SLC7A8: variants seen among roughly 807,000 people sequenced by gnomAD.
SLC7A8 encodes the protein large neutral amino acids transporter small subunit 2.
SLC7A8 carries 30 observed loss-of-function variants against 51.2 expected under a neutral mutation model. The observed-to-expected ratio is 0.59, with a 90% confidence interval of 0.44 to 0.80. The LOEUF is 0.80. Ranked by LOEUF, SLC7A8 falls within the 30% of genes least tolerant of loss-of-function variation. SLC7A8 has a pLI of 0.00. For missense variants in SLC7A8, 612 were observed against 674.4 expected (o/e 0.91, Z 1.03); for synonymous variants, 257 against 275.8 (o/e 0.93, Z 0.67).
intron 3 of SLC7A8, among the ~76,000 whole-genome samples, chr14:23,161,135 C>A (rs1165022079): frequency 6.6e-6 from 1 of 152,060 alleles, no homozygotes; most frequent in African/African-American, 2.4e-5. Context: ...CCGACCCGCT[C>A]AGGATCCGGC....
chr14:23,147,357 T>A (rs111288782), intron 3 of SLC7A8, among the ~76,000 whole-genome samples: 53 of 152,266 alleles, frequency 3.5e-4, no homozygotes, highest in African/African-American at 1.2e-3. Flanking sequence ...GTTGGCAGTA[T>A]AACAGGGACG....
Position 23,161,699 on chromosome 14 carries a change from G to C in SLC7A8, c.508+3586C>G, listed in dbSNP as rs1016796683. 3.9e-5 allele frequency among the ~76,000 whole-genome samples: 6 copies of C among 152,082 alleles called. No individual in the cohort carries two copies. The South Asian group carries it at 1.2e-3, about 31-fold the overall frequency. On this transcript the variant is annotated intron_variant, in intron 3 of 10. Coordinates refer to ENST00000316902, the MANE Select transcript of SLC7A8 (RefSeq NM_012244.4). Reference sequence around the variant, plus strand: ...TGGCCTCACTTTGGGAGGCTGAGGCGGGTGGATCACTTGAGGTCAGGAGTT... The same window carrying C: ...TGGCCTCACTTTGGGAGGCTGAGGCCGGTGGATCACTTGAGGTCAGGAGTT...
chr14:23,146,029 G>A (rs2048790626), intron 3 of SLC7A8, among the ~76,000 whole-genome samples: 1 of 152,224 alleles, frequency 6.6e-6, no homozygotes, highest in African/African-American at 2.4e-5. Flanking sequence ...TCAGGATCAT[G>A]TGCCTGGTGA....
chr14:23,161,293 C>T (rs1285249339), intron 3 of SLC7A8, among the ~76,000 whole-genome samples: 3 of 152,056 alleles, frequency 2.0e-5, no homozygotes, highest in Admixed American at 6.6e-5. Flanking sequence ...AGCAAACCCT[C>T]GCCACGGGCT....
At chr14:23,179,943 T>C (rs547542906) in intron 1 of SLC7A8, among the ~76,000 whole-genome samples, 2 of 150,156 alleles carry the variant, frequency 1.3e-5, no homozygotes, top group Admixed American at 1.3e-4. Flanking sequence ...TCTCACTCTG[T>C]CACCCAGACT....
chr14:23,174,061 C>T (rs1308182371), intron 1 of SLC7A8, among the ~76,000 whole-genome samples: 3 of 152,226 alleles, frequency 2.0e-5, no homozygotes, highest in Non-Finnish European at 4.4e-5. Flanking sequence ...AAGACTATCT[C>T]TAAAGCCCAT....
Position 23,128,125 on chromosome 14 carries a change from C to T in SLC7A8, c.1335G>A (p.Glu445=). ...CCAGGCCAATGCCACACACCACCGG[C>T]TCTGACCACAGGCTGAAGACCAGCA... The part of the protein sequence containing the change: ...AFLLVFSLWS[E]PVVCGIGLAI... The change falls in exon 10 of 11, where the codon GAG becomes GAA. Residue 445 remains glutamate, a synonymous_variant. Transcript: ENST00000316902. The surrounding 1 kb of genome is among the most constrained non-coding windows in gnomAD (Gnocchi z 4.3). The T allele has an allele frequency of 2.5e-6, 4 of 1,614,246 alleles. No individual in the cohort carries two copies. The highest frequency in any genetic ancestry group is 3.4e-6 in the Non-Finnish European group (4 of 1,180,040).
chr14:23,127,083 G>A lies in SLC7A8; in HGVS notation c.*94C>T. The A allele has an allele frequency of 6.9e-7, 1 of 1,442,506 alleles. No individual in the cohort carries two copies. The highest frequency in any genetic ancestry group is 2.3e-5 in the East Asian group (1 of 43,594). 89.4% of individuals were successfully genotyped at this position (1,442,506 alleles called of 1,614,324 possible). ...CACTGCCTGACAAAAGCAGAGAGAGGGGTGTGTGTGTACTCGCATGTGTTG... is the reference window on the plus strand; with the variant it reads ...CACTGCCTGACAAAAGCAGAGAGAGAGGTGTGTGTGTACTCGCATGTGTTG... On this transcript the variant is annotated 3_prime_UTR_variant, in exon 11 of 11. Transcript: ENST00000316902.
chr14:23,158,566 G>A (rs1008568890), intron 3 of SLC7A8, among the ~76,000 whole-genome samples: 2 of 152,148 alleles, frequency 1.3e-5, no homozygotes, highest in Non-Finnish European at 2.9e-5. Context: ...GGCTGGTCTC[G>A]AACTCCTGAC....
Position 23,127,209 on chromosome 14 carries a change from C to A in SLC7A8, c.1576G>T (p.Asp526Tyr). The A allele has an allele frequency of 6.2e-7, 1 of 1,614,120 alleles. No individual in the cohort carries two copies. Among genetic ancestry groups the A allele is most frequent in the Non-Finnish European group, 8.5e-7 (1 of 1,179,994 alleles). The change falls in exon 11 of 11, where the codon GAC becomes TAC. Residue 526 changes from aspartate (D) to tyrosine (Y), a missense_variant. By Grantham distance (160) the Asp-to-Tyr change is radical. Transcript: ENST00000316902. The part of the protein sequence containing the change: ...QPMYQPTPTK[D>Y]KDVAGQPQP ...TGGGGCTGCCCCGCCACGTCCTTGT[C>A]CTTCGTGGGAGTGGGTTGGTACATG...
At chr14:23,177,764 C>G (rs1876988196) in intron 1 of SLC7A8, among the ~76,000 whole-genome samples, 1 of 152,198 alleles carries the variant, frequency 6.6e-6, no homozygotes, top group South Asian at 2.1e-4. Context: ...TCACCCAAGT[C>G]TTCCTGCAAT....
chr14:23,147,995 C>G (rs1255003363), intron 3 of SLC7A8, among the ~76,000 whole-genome samples: 1 of 152,144 alleles, frequency 6.6e-6, no homozygotes, highest in Non-Finnish European at 1.5e-5. Context: ...GGCTGGGTTC[C>G]CTACAGAGAA....
chr14:23,158,380 C>T (rs2048904753), intron 3 of SLC7A8, among the ~76,000 whole-genome samples: 3 of 152,332 alleles, frequency 2.0e-5, no homozygotes, highest in Admixed American at 2.0e-4. Flanking sequence ...GAGTCTAGCT[C>T]TGTCGCCCAG....
intron 1 of SLC7A8, among the ~76,000 whole-genome samples, chr14:23,172,525 G>A (rs2048979972): frequency 6.6e-6 from 1 of 152,146 alleles, no homozygotes; most frequent in African/African-American, 2.4e-5. Context: ...GGTGGTGGGG[G>A]GCTGAGTGTT....
intron 1 of SLC7A8, among the ~76,000 whole-genome samples, chr14:23,177,783 G>A (rs367787355): frequency 6.6e-6 from 1 of 152,166 alleles, no homozygotes; most frequent in African/African-American, 2.4e-5. Context: ...ATTGCACCGG[G>A]AATATTACTT....
chr14:23,132,040 T>C (rs1024900632), intron 7 of SLC7A8, among the ~76,000 whole-genome samples: 2 of 146,136 alleles, frequency 1.4e-5, no homozygotes, highest in Non-Finnish European at 3.0e-5. Context: ...AGTCTGACTC[T>C]GTCGCCCAGG....
intron 3 of SLC7A8, among the ~76,000 whole-genome samples, chr14:23,159,474 G>A (rs529355522): frequency 2.6e-5 from 4 of 152,346 alleles, no homozygotes; most frequent in South Asian, 2.1e-4. Context: ...TCGGATACCC[G>A]AAGAACTCTC....
At chr14:23,132,044 G>T (rs1368440482) in intron 7 of SLC7A8, among the ~76,000 whole-genome samples, 1 of 125,364 alleles carries the variant, frequency 8.0e-6, no homozygotes, top group Non-Finnish European at 1.6e-5. Flanking sequence ...TGACTCTGTC[G>T]CCCAGGCTGG....
chr14:23,170,472 T>C (rs1246827948), intron 1 of SLC7A8, among the ~76,000 whole-genome samples: 7 of 152,298 alleles, frequency 4.6e-5, no homozygotes, highest in Middle Eastern at 3.4e-3. Flanking sequence ...TTCTTTTTTT[T>C]TGTTTTGAGA....
Sources: gnomAD v4.1 joint callset for allele counts (sites outside exome capture counted in the v4.1 genomes callset) on GRCh38, gnomAD v4.1.1 for gene constraint, Gnocchi (gnomAD v3.1) non-coding constraint, MANE v1.5 for transcripts, NCBI Gene and HGNC (gene_info 2026-07-23, HGNC 2026-07-21) for gene names.